KIT: variants seen among roughly 807,000 people sequenced by gnomAD.
The protein encoded by KIT is KIT proto-oncogene, receptor tyrosine kinase.
A neutral mutation model predicts 105.7 loss-of-function variants in KIT; 16 were observed. The observed-to-expected ratio is 0.15, with a 90% CI of 0.10 to 0.23. The LOEUF is 0.23. Ranked by LOEUF, KIT falls within the 10% of genes least tolerant of loss-of-function variation. The pLI is 1.00. For synonymous variants in KIT, 438 were observed against 441.1 expected (o/e 0.99, Z 0.09); for missense variants, 858 against 1,213.8 (o/e 0.71, Z 4.36).
rs139441923 is a variant in KIT, at chr4:54,695,643, A to T, written c.199A>T (p.Thr67Ser). The change falls in exon 2 of 21, where the codon ACT (threonine) becomes TCT (serine). Residue 67 changes from threonine (T) to serine (S), a missense_variant. This residue lies in a region of KIT where 401 missense variants were observed against 601.0 expected (regional missense o/e 0.67). Coordinates refer to ENST00000288135, the MANE Select transcript of KIT (RefSeq NM_000222.3). Reference protein sequence around the residue: ...LCTDPGFVKWTFEILDETNEN... With the variant: ...LCTDPGFVKWSFEILDETNEN... ...CACTGATCCGGGCTTTGTCAAATGG[A>T]CTTTTGAGATCCTGGATGAAACGAA... The T allele has an allele frequency of 1.9e-6, 3 of 1,614,102 alleles. No homozygotes were observed. In the African/African-American group the frequency reaches 4.0e-5, roughly 22 times the overall value.
At chr4:54,708,473 T>C (rs1253392326) in intron 6 of KIT, among the ~76,000 whole-genome samples, 1 of 152,096 alleles carries the variant, frequency 6.6e-6, no homozygotes, top group Non-Finnish European at 1.5e-5. Flanking sequence ...TTTGCACCTC[T>C]CCAGCTATCA....
chr4:54,720,799 A>G (rs1662135747), intron 7 of KIT, among the ~76,000 whole-genome samples: 1 of 152,170 alleles, frequency 6.6e-6, no homozygotes, highest in Non-Finnish European at 1.5e-5. Context: ...CTTAGCTCCT[A>G]TTTGAGTCCT....
intron 1 of KIT, among the ~76,000 whole-genome samples, chr4:54,670,958 GAC>G (rs1483172418): frequency 4.6e-5 from 7 of 152,168 alleles, no homozygotes; most frequent in Non-Finnish European, 1.5e-5. Context: ...AAAAAAATAT[GAC>G]AGACTTCAGT....
At chr4:54,717,851 A>G (rs1374921439) in intron 7 of KIT, among the ~76,000 whole-genome samples, 1 of 151,790 alleles carries the variant, frequency 6.6e-6, no homozygotes, top group Non-Finnish European at 1.5e-5. Flanking sequence ...CCATGCCTGC[A>G]CTCCTTGGCA....
chr4:54,695,921 A>G, intron 2 of KIT, 140 bp downstream of exon 2: 3 of 935,150 alleles, frequency 3.2e-6, no homozygotes, highest in Non-Finnish European at 3.3e-6. Flanking sequence ...ATGTTTCTTC[A>G]CTGTTCTCTC....
At chr4:54,728,562 T>A (rs1722385682) in intron 13 of KIT, among the ~76,000 whole-genome samples, 1 of 152,182 alleles carries the variant, frequency 6.6e-6, no homozygotes, top group South Asian at 2.1e-4. Flanking sequence ...AAAATAAGTT[T>A]CCAATTTGAA....
intron 4 of KIT, among the ~76,000 whole-genome samples, chr4:54,702,525 T>C (rs956733535): frequency 6.6e-6 from 1 of 152,122 alleles, no homozygotes; most frequent in South Asian, 2.1e-4. Flanking sequence ...TTTTTTCATA[T>C]TTTTTCTCTT....
chr4:54,735,490 C>T (rs1392895251), intron 17 of KIT, among the ~76,000 whole-genome samples: 1 of 151,626 alleles, frequency 6.6e-6, no homozygotes, highest in Non-Finnish European at 1.5e-5. Flanking sequence ...TCTAAAAGGA[C>T]TAGTTACAGA....
At chr4:54,706,129 G>T (rs1720772574) in intron 5 of KIT, among the ~76,000 whole-genome samples, 1 of 151,674 alleles carries the variant, frequency 6.6e-6, no homozygotes, top group African/African-American at 2.4e-5. Context: ...TTATAATAGT[G>T]TAAATAGCAC....
intron 6 of KIT, 138 bp downstream of exon 6, chr4:54,707,425 C>G: frequency 2.9e-6 from 2 of 680,866 alleles, no homozygotes; most frequent in East Asian, 5.4e-5. Context: ...CTCCTATGTC[C>G]TCATCCTAGT....
intron 5 of KIT, among the ~76,000 whole-genome samples, chr4:54,705,654 G>A (rs1326284352): frequency 3.3e-5 from 5 of 151,984 alleles, no homozygotes; most frequent in African/African-American, 4.8e-5. Context: ...AGGCTGAGGC[G>A]GGCAGATCTC....
intron 1 of KIT, among the ~76,000 whole-genome samples, chr4:54,667,685 C>A (rs543662321): frequency 1.3e-5 from 2 of 152,260 alleles, no homozygotes; most frequent in Middle Eastern, 3.4e-3. Context: ...TTTTAGGGCA[C>A]CTGGATTTTT....
intron 15 of KIT, 141 bp from the exon 16 acceptor site, chr4:54,731,730 C>A: frequency 6.9e-6 from 6 of 868,428 alleles, no homozygotes; most frequent in Non-Finnish European, 1.1e-5. Flanking sequence ...ATCTACCTTT[C>A]CTGGACACCA....
At chr4:54,722,845 ATATATATTTTTATATATATG>A (rs1721967657) in intron 7 of KIT, among the ~76,000 whole-genome samples, 1 of 111,636 alleles carries the variant, frequency 9.0e-6, no homozygotes, top group Non-Finnish European at 1.8e-5. Flanking sequence ...ATATATATTT[ATATATATTTTTATATATATG>A]TATATATATT....
At chr4:54,715,821 A>G (rs943977174) in intron 7 of KIT, among the ~76,000 whole-genome samples, 1 of 152,196 alleles carries the variant, frequency 6.6e-6, no homozygotes, top group Non-Finnish European at 1.5e-5. Flanking sequence ...TCTCTGGGTC[A>G]CCCACCTGGC....
intron 1 of KIT, among the ~76,000 whole-genome samples, chr4:54,661,603 A>G (rs557112137): frequency 6.6e-6 from 1 of 152,226 alleles, no homozygotes; most frequent in African/African-American, 2.4e-5. Context: ...GATGTGGGAA[A>G]TGCTTTCTTT....
intron 1 of KIT, among the ~76,000 whole-genome samples, chr4:54,684,785 C>T (rs1719197725): frequency 6.6e-6 from 1 of 152,234 alleles, no homozygotes; most frequent in Admixed American, 6.5e-5. Flanking sequence ...CCAGGCCCTG[C>T]ATCTAGAGAT....
chr4:54,725,832 A>G (rs374360197), intron 8 of KIT, 25 bp from the exon 9 acceptor site: 1 of 1,607,690 alleles, frequency 6.2e-7, no homozygotes, highest in South Asian at 1.1e-5. Context: ...AGAGTAAGCC[A>G]GGGCTTTTGT....
Position 54,690,193 on chromosome 4 carries a change from C to T in KIT, c.68-5319C>T, listed in dbSNP as rs553123768. Among the ~76,000 whole-genome samples, 15 of 152,090 alleles carry T rather than the reference C, an allele frequency of 9.9e-5. No homozygotes were observed. In the South Asian group the frequency reaches 3.1e-3, roughly 32 times the overall value. On this transcript the variant is annotated intron_variant, in intron 1 of 20. Transcript: ENST00000288135. The stretch of plus-strand genomic sequence containing the variant: ...CACCTTTTGGCTATGGTGAATAATA[C>T]TGCTGGGAACATTGGTGTACAAGTA...
Sources: allele counts gnomAD v4.1 joint callset (sites outside exome capture counted in the v4.1 genomes callset), GRCh38; gene constraint gnomAD v4.1.1; regional missense constraint gnomAD v4.1.1; transcripts MANE v1.5; gene names NCBI Gene and HGNC (gene_info 2026-07-23, HGNC 2026-07-21).